The following ANKRD17 variants were observed in gnomAD, a reference collection of about 807,000 sequenced individuals.
ANKRD17 encodes the protein ankyrin repeat domain 17, also known as ankyrin repeat domain-containing protein 17.
A neutral mutation model predicts 229.7 loss-of-function variants in ANKRD17; 19 were observed. The observed-to-expected ratio is 0.08, with a 90% CI of 0.06 to 0.12. The LOEUF is 0.12. Ranked by LOEUF, ANKRD17 falls within the 10% of genes least tolerant of loss-of-function variation. ANKRD17 has a pLI of 1.00. For missense variants in ANKRD17, 2,176 were observed against 3,176.8 expected (o/e 0.68, Z 7.57); for synonymous variants, 1,112 against 1,146.1 (o/e 0.97, Z 0.60).
intron 26 of ANKRD17, 152 bp downstream of exon 26, chr4:73,097,921 T>G: frequency 1.7e-6 from 1 of 596,206 alleles, no homozygotes; most frequent in Admixed American, 3.6e-5. Flanking sequence ...AAACAAAAGC[T>G]TATTCTTCAA....
intron 24 of ANKRD17, chr4:73,113,039 C>T (rs1480446361): frequency 2.9e-5 from 31 of 1,063,366 alleles, no homozygotes; most frequent in Admixed American, 8.7e-5. Context: ...GTGCCCGCCT[C>T]GGCCTCCCAA....
chr4:73,098,952 G>T, intron 25 of ANKRD17: 1 of 993,272 alleles, frequency 1.0e-6, no homozygotes. Context: ...CTGGTAGGGA[G>T]TCAGAAGGAG....
At chr4:73,249,399 C>T (rs4403011) in intron 1 of ANKRD17, among the ~76,000 whole-genome samples, 152,026 of 152,338 alleles carry the variant, frequency 1, 75,858 homozygotes, top group East Asian at 1. Flanking sequence ...AGCCATAAAG[C>T]AGTTCCATAA....
chr4:73,088,122 CTT>C (rs1722391717), intron 29 of ANKRD17, among the ~76,000 whole-genome samples: 2 of 152,156 alleles, frequency 1.3e-5, no homozygotes, highest in South Asian at 2.1e-4. Flanking sequence ...ACTTAAATAA[CTT>C]TTCAAAATAC....
chr4:73,214,847 T>TA lies in ANKRD17; in HGVS notation c.394-37315dup, dbSNP rs766995925. Among the ~76,000 whole-genome samples, 849 of 85,516 alleles carry TA rather than the reference T, an allele frequency of 9.9e-3. 4 individuals carry two copies. The highest frequency in any genetic ancestry group is 0.012 in the Non-Finnish European group (518 of 41,728). 56.1% of individuals were successfully genotyped at this position (85,516 alleles called of 152,430 possible). A position where few individuals can be genotyped will look rare whatever the true frequency, so the allele number is the denominator to read the frequency against. On this transcript the variant is annotated intron_variant, in intron 1 of 33. Transcript: ENST00000358602. The stretch of plus-strand genomic sequence containing the variant: ...CAACAGAGTGAGATTTCGTCTCTAT[T>TA]AAAAAAAAAAAAAAAAAAAAAGCAA...
intron 1 of ANKRD17, among the ~76,000 whole-genome samples, chr4:73,180,266 G>A (rs546482959): frequency 6.6e-6 from 1 of 152,134 alleles, no homozygotes; most frequent in East Asian, 1.9e-4. Flanking sequence ...TAAAAGAAGA[G>A]AAAGAAGGAA....
Position 73,086,919 on chromosome 4 carries a change from AATATATATAT to A in ANKRD17, c.6962-1483_6962-1474del, listed in dbSNP as rs61024099. 8.1e-3 allele frequency among the ~76,000 whole-genome samples: 101 copies of A among 12,458 alleles called. 2 individuals carry two copies. The highest frequency in any genetic ancestry group is 0.014 in the African/African-American group (56 of 3,868). The allele number at this position is 12,458 out of a possible 152,430, so 8.2% of individuals were successfully genotyped here. On this transcript the variant is annotated intron_variant, in intron 29 of 33. Coordinates refer to ENST00000358602, the MANE Select transcript of ANKRD17 (RefSeq NM_032217.5). The stretch of plus-strand genomic sequence containing the variant: ...TCTCAAAAAAAAAAAAAAAAAAAAA[AATATATATAT>A]ATATATATATATATATATATATATC...
At chr4:73,176,168 A>G (rs1452819879) in intron 2 of ANKRD17, among the ~76,000 whole-genome samples, 8 of 152,202 alleles carry the variant, frequency 5.3e-5, no homozygotes, top group Non-Finnish European at 1.5e-5. Flanking sequence ...TTCTCAAAAG[A>G]AGACATATAA....
At chr4:73,180,266 G>C (rs546482959) in intron 1 of ANKRD17, among the ~76,000 whole-genome samples, 1 of 152,016 alleles carries the variant, frequency 6.6e-6, no homozygotes, top group Admixed American at 6.5e-5. Flanking sequence ...TAAAAGAAGA[G>C]AAAGAAGGAA....
At position 73,092,101 on chromosome 4, in the gene ANKRD17, A is replaced by T; in HGVS notation, c.5527T>A (p.Ser1843Thr). 6.2e-7 allele frequency: 1 copy of T among 1,614,208 alleles called. No homozygotes were observed. Among genetic ancestry groups the T allele is most frequent in the South Asian group, 1.1e-5 (1 of 91,088 alleles). ...MGIKMTTVAL[S>T]STSQTATALT... is the part of the protein sequence containing the mutation. ...GCTGTGGCAGTTTGAGATGTTGATG[A>T]CAGAGCTACAGTTGTCATTTTAATT... Residue 1843 changes from serine to threonine, a missense_variant, in exon 29 of 34, where the codon TCA becomes ACA. Transcript: ENST00000358602.
intron 1 of ANKRD17, among the ~76,000 whole-genome samples, chr4:73,253,827 T>C (rs1309247793): frequency 8.5e-5 from 13 of 152,150 alleles, no homozygotes; most frequent in Non-Finnish European, 5.9e-5. Context: ...AATTGGAAAA[T>C]GTTGAAATCT....
At chr4:73,217,923 T>C (rs948156440) in intron 1 of ANKRD17, among the ~76,000 whole-genome samples, 1 of 152,178 alleles carries the variant, frequency 6.6e-6, no homozygotes, top group Non-Finnish European at 1.5e-5. Context: ...CAAACACTTC[T>C]GGTCCCAAAC....
At chr4:73,185,382 T>C (rs1282254925) in intron 1 of ANKRD17, among the ~76,000 whole-genome samples, 2 of 151,870 alleles carry the variant, frequency 1.3e-5, no homozygotes, top group Admixed American at 1.3e-4. Flanking sequence ...TTTAAACCAG[T>C]AATCTACATT....
rs1732262415 is a variant in ANKRD17, at chr4:73,159,876, A to C, written c.704+1316T>G. Reference sequence around the variant, plus strand: ...GTAAAGCAAGTTAATACAAACACAAAAATCTAGATGAATGAACACTAATAA... The same window carrying C: ...GTAAAGCAAGTTAATACAAACACAACAATCTAGATGAATGAACACTAATAA... On this transcript the variant is annotated intron_variant, in intron 3 of 33. Coordinates refer to ENST00000358602, the MANE Select transcript of ANKRD17 (RefSeq NM_032217.5). 2.0e-5 allele frequency among the ~76,000 whole-genome samples: 3 copies of C among 152,192 alleles called. No homozygotes were observed. The South Asian group carries it at 6.2e-4, about 31-fold the overall frequency.
chr4:73,188,962 A>T (rs777431170), intron 1 of ANKRD17, among the ~76,000 whole-genome samples: 3 of 152,240 alleles, frequency 2.0e-5, no homozygotes, highest in Admixed American at 6.5e-5. Flanking sequence ...AATCAAAATT[A>T]ACTCAAGAAA....
chr4:73,200,029 A>G (rs1738437362), intron 1 of ANKRD17, among the ~76,000 whole-genome samples: 1 of 152,222 alleles, frequency 6.6e-6, no homozygotes, highest in Admixed American at 6.5e-5. Context: ...AACACTGATT[A>G]TGGAACAAAA....
intron 16 of ANKRD17, among the ~76,000 whole-genome samples, chr4:73,127,039 T>C (rs993261599): frequency 2.6e-5 from 4 of 152,322 alleles, no homozygotes; most frequent in African/African-American, 9.6e-5. Flanking sequence ...TACTGGAAAA[T>C]TTAGGATGTC....
At chr4:73,206,600 T>C (rs1021394052) in intron 1 of ANKRD17, among the ~76,000 whole-genome samples, 5 of 152,090 alleles carry the variant, frequency 3.3e-5, no homozygotes, top group Non-Finnish European at 5.9e-5. Context: ...ATGTCACTTA[T>C]ATGTAGAATC....
intron 26 of ANKRD17, among the ~76,000 whole-genome samples, chr4:73,097,730 C>T (rs1471643459): frequency 6.6e-6 from 1 of 152,156 alleles, no homozygotes; most frequent in Non-Finnish European, 1.5e-5. Context: ...TGAGCCATTG[C>T]ACCCAGCCTG....
Sources: allele counts gnomAD v4.1 joint callset (sites outside exome capture counted in the v4.1 genomes callset), GRCh38; gene constraint gnomAD v4.1.1; transcripts MANE v1.5; gene names NCBI Gene and HGNC (gene_info 2026-07-23, HGNC 2026-07-21).